AMMECR1: variants seen among roughly 807,000 people sequenced by gnomAD.
AMMECR1 encodes nuclear protein AMMECR1.
Under a neutral mutation model 22.5 loss-of-function variants are expected in AMMECR1, and 3 were observed. The observed-to-expected ratio is 0.13, with a 90% CI of 0.06 to 0.35. The LOEUF (loss-of-function observed/expected upper bound fraction) is 0.35, where lower values mean the gene tolerates loss of function less well. Ranked by LOEUF, AMMECR1 falls within the 10% of genes least tolerant of loss-of-function variation. The pLI is 1.00. For missense variants in AMMECR1, 235 were observed against 278.7 expected, an observed-to-expected ratio of 0.84 and a Z score of 1.12; for synonymous variants, 130 against 116.7, an observed-to-expected ratio of 1.11 and a Z score of -0.74.
intron 2 of AMMECR1, among the ~76,000 whole-genome samples, chrX:110,218,111 G>A (rs1169115431): frequency 9.0e-6 from 1 of 110,501 alleles, no homozygotes; most frequent in Non-Finnish European, 1.9e-5. Flanking sequence ...TTTTCCTACT[G>A]ACAAATAAAA....
At chrX:110,243,990 T>G (rs2067645943) in intron 2 of AMMECR1, among the ~76,000 whole-genome samples, 1 of 111,731 alleles carries the variant, frequency 9.0e-6, no homozygotes, top group South Asian at 3.7e-4. Context: ...TAAAAATGAC[T>G]CTTTAACAAA....
chrX:110,242,104 C>G (rs188129996), intron 2 of AMMECR1, among the ~76,000 whole-genome samples: 2 of 111,514 alleles, frequency 1.8e-5, no homozygotes, highest in Admixed American at 1.9e-4. Context: ...TTGTAAGCTC[C>G]TGGATTTGTA....
intron 1 of AMMECR1, among the ~76,000 whole-genome samples, chrX:110,292,694 A>C (rs2067915222): frequency 8.9e-6 from 1 of 112,442 alleles, no homozygotes; most frequent in Non-Finnish European, 1.9e-5. Context: ...GGTAAGTGTT[A>C]GGGAGGGAGA....
At chrX:110,426,432 A>T (rs1457454567) in intron 2 of AMMECR1, among the ~76,000 whole-genome samples, 3 of 111,728 alleles carry the variant, frequency 2.7e-5, no homozygotes, top group African/African-American at 9.8e-5. Context: ...AATAGTCATG[A>T]CCAGTGACGC....
At position 110,259,540 on chromosome X, in the gene AMMECR1, G is replaced by A. The variant is rs1602836550; in HGVS notation, c.584+4949C>T. ...TGAATTTACATAAAGAAATAGATCTGCATTTTGCTGGGAAATTTATTAGCC... is the reference window on the plus strand; with the variant it reads ...TGAATTTACATAAAGAAATAGATCTACATTTTGCTGGGAAATTTATTAGCC... On this transcript the variant is annotated intron_variant, in intron 2 of 5. Coordinates refer to ENST00000262844, the MANE Select transcript of AMMECR1 (RefSeq NM_015365.3). Among the ~76,000 whole-genome samples the A allele has an allele frequency of 2.7e-5, 3 of 109,552 alleles. No individual in the cohort carries two copies. The South Asian group carries it at 1.2e-3, about 43-fold the overall frequency.
At chrX:110,342,318 C>A (rs951618603) in intron 2 of AMMECR1, among the ~76,000 whole-genome samples, 4 of 111,034 alleles carry the variant, frequency 3.6e-5, no homozygotes, top group African/African-American at 1.3e-4. Flanking sequence ...TATAAAGAGC[C>A]TTTTAGAATC....
intron 2 of AMMECR1, among the ~76,000 whole-genome samples, chrX:110,351,655 T>C (rs2068211682): frequency 9.0e-6 from 1 of 111,664 alleles, no homozygotes; most frequent in Admixed American, 9.6e-5. Flanking sequence ...GAAACATAGA[T>C]GTAAATCTTC....
At chrX:110,285,339 G>C (rs1338573248) in intron 1 of AMMECR1, among the ~76,000 whole-genome samples, 1 of 112,118 alleles carries the variant, frequency 8.9e-6, no homozygotes, top group Non-Finnish European at 1.9e-5. Context: ...CAGAAACTGG[G>C]AGTAACAAGC....
intron 2 of AMMECR1, among the ~76,000 whole-genome samples, chrX:110,406,114 G>T (rs865953445): frequency 2.3e-3 from 243 of 103,868 alleles, no homozygotes; most frequent in African/African-American, 7.7e-3. Context: ...CTGGAAAGTG[G>T]TTTTTTTTTT....
At chrX:110,417,300 G>A (rs2148316364) in intron 2 of AMMECR1, among the ~76,000 whole-genome samples, 1 of 112,268 alleles carries the variant, frequency 8.9e-6, no homozygotes, top group South Asian at 3.8e-4. Flanking sequence ...TCATTTGACA[G>A]GGGAGGAGGC....
In AMMECR1 at chrX:110,357,788, A is replaced by G. The variant is rs547249873; in HGVS notation, c.-147-39939T>C. Reference sequence around the variant, plus strand: ...CCCTGTGGGTGCAGGGCATGTTTCTACATACCCACATTGTGTGGGAAGCAG... The same window carrying G: ...CCCTGTGGGTGCAGGGCATGTTTCTGCATACCCACATTGTGTGGGAAGCAG... On this transcript the variant is annotated intron_variant, in intron 2 of 7. Transcript: ENST00000372057. Among the ~76,000 whole-genome samples the G allele has an allele frequency of 3.0e-4, 34 of 111,805 alleles. 1 individual carries two copies. In the South Asian group the frequency reaches 0.012, roughly 41 times the overall value.
intron 2 of AMMECR1, among the ~76,000 whole-genome samples, chrX:110,403,500 C>T (rs2068578609): frequency 9.0e-6 from 1 of 110,918 alleles, no homozygotes; most frequent in South Asian, 3.9e-4. Flanking sequence ...ATGCCCGGAT[C>T]CTTCTCCAAA....
At chrX:110,276,593 T>C (rs2067827528) in intron 1 of AMMECR1, among the ~76,000 whole-genome samples, 1 of 112,028 alleles carries the variant, frequency 8.9e-6, no homozygotes, top group African/African-American at 3.2e-5. Flanking sequence ...ATGACCCTTC[T>C]GGAGTCTCTC....
chrX:110,398,493 T>C (rs1255669350), intron 2 of AMMECR1, among the ~76,000 whole-genome samples: 2 of 112,496 alleles, frequency 1.8e-5, no homozygotes, highest in African/African-American at 3.2e-5. Context: ...AGAATCCCTA[T>C]GCATCCTTCA....
chrX:110,298,536 A>G (rs1003246260), intron 1 of AMMECR1, among the ~76,000 whole-genome samples: 1 of 110,903 alleles, frequency 9.0e-6, no homozygotes, highest in Non-Finnish European at 1.9e-5. Context: ...AGAGAGAGAG[A>G]AGAGTAAGCG....
chrX:110,285,615 A>T (rs936366107), intron 1 of AMMECR1, among the ~76,000 whole-genome samples: 35 of 111,829 alleles, frequency 3.1e-4, no homozygotes, highest in South Asian at 1.1e-3. Context: ...CTCTAAGTAT[A>T]TTTCCTTATC....
At chrX:110,401,973 T>C (rs987470405) in intron 2 of AMMECR1, among the ~76,000 whole-genome samples, 2 of 112,269 alleles carry the variant, frequency 1.8e-5, no homozygotes, top group African/African-American at 6.5e-5. Context: ...GTTTCTCTTT[T>C]CCTCTTCTCA....
chrX:110,317,285 G>A (rs754338532), intron 1 of AMMECR1, among the ~76,000 whole-genome samples: 141 of 111,325 alleles, frequency 1.3e-3, no homozygotes, highest in Non-Finnish European at 1.7e-3. Flanking sequence ...ACCGGGGCAG[G>A]GTGAGGGGTG....
In AMMECR1 at chrX:110,262,711, A is replaced by G. The variant is rs750968406; in HGVS notation, c.584+1778T>C. 3.6e-5 allele frequency among the ~76,000 whole-genome samples: 4 copies of G among 112,199 alleles called. No homozygotes were observed. In the East Asian group the frequency reaches 1.1e-3, roughly 31 times the overall value. ...ATTTCTAAGGTATATAATGTTTGAT[A>G]ATGGGATTTCTGCTACAATTTCACT... On this transcript the variant is annotated intron_variant, in intron 2 of 5. Transcript: ENST00000262844.
Sources: allele counts gnomAD v4.1 joint callset (sites outside exome capture counted in the v4.1 genomes callset), GRCh38; gene constraint gnomAD v4.1.1; transcripts MANE v1.5; gene names NCBI Gene and HGNC (gene_info 2026-07-23, HGNC 2026-07-21).